The following SAMD4A variants were observed in gnomAD, a reference collection of about 807,000 sequenced individuals.
The protein encoded by SAMD4A is sterile alpha motif domain containing 4A.
In SAMD4A, 33 loss-of-function variants were observed where a neutral mutation model predicts 81.3. The observed-to-expected ratio is 0.41, with a 90% CI of 0.31 to 0.54. The LOEUF (loss-of-function observed/expected upper bound fraction) is 0.54. SAMD4A is among the 20% of genes least tolerant of loss of function. The probability of loss-of-function intolerance (pLI) is 0.37; values close to 1 mark genes in which losing one functional copy is unlikely to be tolerated. For missense variants in SAMD4A, 854 were observed against 951.1 expected (o/e 0.90, Z 1.34); for synonymous variants, 389 against 382.1 (o/e 1.02, Z -0.21).
intron 11 of SAMD4A, among the ~76,000 whole-genome samples, chr14:54,778,891 A>G (rs1018646704): frequency 7.2e-5 from 11 of 152,180 alleles, no homozygotes; most frequent in Non-Finnish European, 4.4e-5. Flanking sequence ...AAGGGGAAGG[A>G]GGCTGCAGAA....
At chr14:54,588,453 C>G (rs1292307938) in intron 2 of SAMD4A, among the ~76,000 whole-genome samples, 1 of 151,868 alleles carries the variant, frequency 6.6e-6, no homozygotes, top group Non-Finnish European at 1.5e-5. Flanking sequence ...TCTTGTTTCT[C>G]CAGTTCCATG....
At position 54,790,679 on chromosome 14, in the gene SAMD4A, T is replaced by TGTGTGG. The variant is rs2039243865; in HGVS notation, c.*1740_*1741insGGTGTG. The stretch of plus-strand genomic sequence containing the variant: ...GATGAGTCGGGTGCCTGGTTGTGTG[T>TGTGTGG]GTGTGTGTGTGTGTGTGTGTGTGTG... On this transcript the variant is annotated 3_prime_UTR_variant, in exon 13 of 13. Transcript: ENST00000554335. 6.9e-6 allele frequency: 1 copy of TGTGTGG among 144,706 alleles called. No homozygotes were observed. The highest frequency in any genetic ancestry group is 2.5e-5 in the African/African-American group (1 of 39,350). The allele number at this position is 144,706 out of a possible 1,614,324, so 9.0% of individuals were successfully genotyped here.
intron 2 of SAMD4A, among the ~76,000 whole-genome samples, chr14:54,626,246 C>G (rs1461234004): frequency 6.6e-6 from 1 of 152,120 alleles, no homozygotes; most frequent in Non-Finnish European, 1.5e-5. Flanking sequence ...GACTTTATCT[C>G]TTCTCCATCA....
At chr14:54,701,996 T>TCG in intron 2 of SAMD4A, 66 bp from the exon 3 acceptor site, 1 of 1,518,062 alleles carries the variant, frequency 6.6e-7, no homozygotes, top group South Asian at 1.2e-5. Flanking sequence ...AAATTCTCTT[T>TCG]AGAGTATCTG....
intron 2 of SAMD4A, among the ~76,000 whole-genome samples, chr14:54,638,624 G>T (rs1476115684): frequency 1.3e-5 from 2 of 152,190 alleles, no homozygotes; most frequent in Non-Finnish European, 2.9e-5. Flanking sequence ...AACAAGATTT[G>T]TCTATAAGTA....
intron 2 of SAMD4A, among the ~76,000 whole-genome samples, chr14:54,643,765 G>A (rs956198275): frequency 1.3e-5 from 2 of 152,236 alleles, no homozygotes; most frequent in African/African-American, 2.4e-5. Flanking sequence ...GGAAGTCACA[G>A]GGATTTGACT....
intron 9 of SAMD4A, among the ~76,000 whole-genome samples, chr14:54,773,951 CACAG>C (rs757123155): frequency 5.9e-5 from 9 of 152,376 alleles, no homozygotes; most frequent in East Asian, 1.9e-4. Context: ...AAGTCCGCCA[CACAG>C]ACAGGCTGAG....
chr14:54,718,157 G>A (rs1222736613), intron 3 of SAMD4A, among the ~76,000 whole-genome samples: 2 of 152,210 alleles, frequency 1.3e-5, no homozygotes, highest in African/African-American at 4.8e-5. Flanking sequence ...CTGGGATAGA[G>A]CTGGGGTCAC....
At chr14:54,565,530 C>T (rs1279050500), upstream of SAMD4A, among the ~76,000 whole-genome samples, 1 of 152,224 alleles carries the variant, frequency 6.6e-6, no homozygotes, top group Non-Finnish European at 1.5e-5. The surrounding 1 kb of genome is among the most constrained non-coding windows in gnomAD (Gnocchi z 5.4). Flanking sequence ...TGCGCACTGC[C>T]CCTCAGCCTC....
intron 4 of SAMD4A, among the ~76,000 whole-genome samples, chr14:54,744,442 A>G (rs2037918752): frequency 6.6e-6 from 1 of 152,234 alleles, no homozygotes. Context: ...TAAAAAGGAA[A>G]TAGAAATCAG....
At chr14:54,617,969 AGAAGATTAG>A (rs1173471388) in intron 2 of SAMD4A, among the ~76,000 whole-genome samples, 1 of 152,204 alleles carries the variant, frequency 6.6e-6, no homozygotes, top group Non-Finnish European at 1.5e-5. Context: ...GAGTTATTGG[AGAAGATTAG>A]TATGATATAA....
chr14:54,650,379 T>C (rs1594772051), intron 2 of SAMD4A, among the ~76,000 whole-genome samples: 1 of 152,348 alleles, frequency 6.6e-6, no homozygotes, highest in East Asian at 1.9e-4. Flanking sequence ...TATTGGCTAG[T>C]GATTTTTCCT....
rs2036040355 is a variant in SAMD4A at position 54,678,433 on chromosome 14, T to TGTGTGTGTGTGTGTGTG, written c.197-23629_197-23628insGTGTGTGTGTGTGTGTG. 2.0e-4 allele frequency among the ~76,000 whole-genome samples: 16 copies of TGTGTGTGTGTGTGTGTG among 81,278 alleles called. 1 individual carries two copies. Among genetic ancestry groups the TGTGTGTGTGTGTGTGTG allele is most frequent in the East Asian group, 4.8e-4 (1 of 2,070 alleles). 53.3% of individuals were successfully genotyped at this position (81,278 alleles called of 152,430 possible). On this transcript the variant is annotated intron_variant, in intron 2 of 12. Transcript: ENST00000554335. ...GTGTCGTATTTTGGGCAGTCACCAT[T>TGTGTGTGTGTGTGTGTG]TGTGTGTGTGTGTGTGTGTGTGTGT...
At chr14:54,703,007 A>AT (rs553851505) in intron 3 of SAMD4A, 81 of 152,036 alleles carry the variant, frequency 5.3e-4, no homozygotes, top group Non-Finnish European at 7.5e-4. Context: ...CTTTCTCTTT[A>AT]TTTTTTTTTT....
At chr14:54,685,813 G>C in intron 2 of SAMD4A, 3 of 456,712 alleles carry the variant, frequency 6.6e-6, no homozygotes, top group South Asian at 4.6e-5. Context: ...GGCAGATTGA[G>C]GTATGCATCC....
At chr14:54,586,734 G>C (rs926933178) in intron 2 of SAMD4A, among the ~76,000 whole-genome samples, 9 of 152,130 alleles carry the variant, frequency 5.9e-5, no homozygotes, top group Admixed American at 2.6e-4. Context: ...TCAGTTGGCT[G>C]TAAGTATTTG....
At chr14:54,615,454 T>TG (rs1243268296) in intron 2 of SAMD4A, among the ~76,000 whole-genome samples, 2 of 152,206 alleles carry the variant, frequency 1.3e-5, no homozygotes, top group African/African-American at 4.8e-5. Flanking sequence ...CTCCTCAAGT[T>TG]GCAACTCTGA....
intron 2 of SAMD4A, among the ~76,000 whole-genome samples, chr14:54,676,879 AG>A (rs1426084964): frequency 6.6e-6 from 1 of 152,374 alleles, no homozygotes; most frequent in Admixed American, 6.5e-5. Flanking sequence ...AAATGGCAGC[AG>A]GGAACATGAC....
intron 2 of SAMD4A, among the ~76,000 whole-genome samples, chr14:54,624,515 G>A (rs1384074152): frequency 1.3e-5 from 2 of 152,228 alleles, no homozygotes; most frequent in Non-Finnish European, 2.9e-5. Context: ...TGCTAGCGGG[G>A]AATTTCAGCA....
Sources: allele counts gnomAD v4.1 joint callset (sites outside exome capture counted in the v4.1 genomes callset), GRCh38; gene constraint gnomAD v4.1.1; non-coding constraint Gnocchi (gnomAD v3.1); transcripts MANE v1.5; gene names NCBI Gene and HGNC (gene_info 2026-07-23, HGNC 2026-07-21).